CD82: variants seen among roughly 807,000 people sequenced by gnomAD.
CD82 encodes CD82 molecule, also known as CD82 antigen.
A neutral mutation model predicts 37.4 loss-of-function variants in CD82; 36 were observed. The ratio of observed to expected loss-of-function variants is 0.96; its 90% CI spans 0.74 to 1.27. The LOEUF (loss-of-function observed/expected upper bound fraction) is 1.27. Ranked by LOEUF, CD82 falls within the 50% of genes most tolerant of loss-of-function variation. The pLI is 0.00. For missense variants in CD82, 340 were observed against 347.0 expected (o/e 0.98, Z 0.16); for synonymous variants, 158 against 137.4 (o/e 1.15, Z -1.05).
chr11:44,569,774 G>T (rs186041341), intron 1 of CD82, among the ~76,000 whole-genome samples: 1 of 152,218 alleles, frequency 6.6e-6, no homozygotes, highest in Admixed American at 6.5e-5. Flanking sequence ...GGAGATGATG[G>T]TACAGCATGG....
chr11:44,612,150 G>A (rs1313545348), intron 6 of CD82, among the ~76,000 whole-genome samples: 1 of 152,204 alleles, frequency 6.6e-6, no homozygotes, highest in Admixed American at 6.5e-5. Flanking sequence ...TGTGACTCAG[G>A]CAAACCACTT....
At chr11:44,587,607 T>C (rs994618595) in intron 2 of CD82, 51 bp downstream of exon 2, 1 of 455,748 alleles carries the variant, frequency 2.2e-6, no homozygotes, top group African/African-American at 2.0e-5. Context: ...ACACTTGGGC[T>C]GTGAGGCGAG....
chr11:44,593,893 G>A (rs1225737233), intron 2 of CD82, among the ~76,000 whole-genome samples: 1 of 151,920 alleles, frequency 6.6e-6, no homozygotes, highest in Admixed American at 6.6e-5. Flanking sequence ...ACTATGAAGA[G>A]CATTTTATCA....
At chr11:44,601,250 C>T (rs990969966) in intron 4 of CD82, among the ~76,000 whole-genome samples, 41 of 152,120 alleles carry the variant, frequency 2.7e-4, no homozygotes, top group Non-Finnish European at 1.3e-4. Flanking sequence ...TAAAGCGGAA[C>T]CTAGCTAGGA....
In CD82 at chr11:44,610,319, T is replaced by C. The variant is rs112800220; in HGVS notation, c.336+4890T>C. ...GAGAGAGGAGGAGGATGTGAACTAA[T>C]ACAAGTGGGTAGAAGTCATTTGAGC... On this transcript the variant is annotated intron_variant, in intron 6 of 9. Coordinates refer to ENST00000227155, the MANE Select transcript of CD82 (RefSeq NM_002231.4). Among the ~76,000 whole-genome samples, 562 of 152,294 alleles carry C rather than the reference T, an allele frequency of 3.7e-3. 5 individuals are homozygous for C. The highest frequency in any genetic ancestry group is 0.013 in the African/African-American group (545 of 41,566).
intron 2 of CD82, among the ~76,000 whole-genome samples, chr11:44,591,454 G>T (rs771651735): frequency 1.3e-5 from 2 of 152,206 alleles, no homozygotes; most frequent in African/African-American, 4.8e-5. Flanking sequence ...TTGGTGACAA[G>T]GTTTCCCAGC....
intron 6 of CD82, among the ~76,000 whole-genome samples, chr11:44,609,615 G>T (rs1390567013): frequency 7.9e-5 from 12 of 152,184 alleles, no homozygotes; most frequent in Admixed American, 7.9e-4. Flanking sequence ...TTGTTGGTGC[G>T]CACATACCCT....
In CD82 at chr11:44,619,108, C is replaced by T; in HGVS notation, c.786C>T (p.Ser262=). ...GGCACGTCCATTCCGAAGACTACAG[C>T]AAGGTCCCCAAGTACTGAGGCAGCT... ...LCRHVHSEDY[S]KVPKY is the part of the protein sequence containing the mutation. The change falls in exon 10 of 10, where the codon AGC becomes AGT. Residue 262 remains serine (S), a synonymous_variant. Coordinates refer to ENST00000227155, the MANE Select transcript of CD82 (RefSeq NM_002231.4). 6.2e-7 allele frequency: 1 copy of T among 1,613,540 alleles called. No homozygotes were observed. The highest frequency in any genetic ancestry group is 8.5e-7 in the Non-Finnish European group (1 of 1,179,704).
chr11:44,569,795 C>T (rs1413895414), intron 1 of CD82, among the ~76,000 whole-genome samples: 1 of 152,158 alleles, frequency 6.6e-6, no homozygotes, highest in Non-Finnish European at 1.5e-5. Flanking sequence ...CGGTAAAGCA[C>T]TGGACTTTAG....
chr11:44,573,459 C>T (rs1383407335), intron 1 of CD82, among the ~76,000 whole-genome samples: 1 of 152,102 alleles, frequency 6.6e-6, no homozygotes, highest in Non-Finnish European at 1.5e-5. Context: ...GGTGTCTAGG[C>T]CTTGAGTCAC....
At chr11:44,613,911 C>T (rs1215717286) in intron 6 of CD82, among the ~76,000 whole-genome samples, 1 of 152,040 alleles carries the variant, frequency 6.6e-6, no homozygotes, top group Non-Finnish European at 1.5e-5. Context: ...AGGCAACTGA[C>T]CTCACACTCC....
chr11:44,568,952 C>A (rs1000218887), intron 1 of CD82, among the ~76,000 whole-genome samples: 4 of 152,254 alleles, frequency 2.6e-5, no homozygotes. Context: ...TGCTCCAAAC[C>A]GTTATACCCA....
intron 4 of CD82, among the ~76,000 whole-genome samples, chr11:44,601,002 G>C (rs938119319): frequency 6.6e-5 from 10 of 152,200 alleles, no homozygotes; most frequent in Non-Finnish European, 1.2e-4. Flanking sequence ...GGGGCCTAAG[G>C]CATTTTTACA....
At chr11:44,596,014 T>G (rs12576252) in intron 3 of CD82, among the ~76,000 whole-genome samples, 9,131 of 152,110 alleles carry the variant, frequency 0.06, 506 homozygotes, top group African/African-American at 0.15. Flanking sequence ...ACACAAGTGT[T>G]CATACACGCA....
chr11:44,605,473 A>C (rs763228752), intron 6 of CD82, 44 bp downstream of exon 6: 8 of 1,555,202 alleles, frequency 5.1e-6, no homozygotes, highest in African/African-American at 1.4e-5. Flanking sequence ...TGGACCAACC[A>C]TGGGGGTGAT....
At chr11:44,614,915 A>AG (rs1208662052) in intron 6 of CD82, among the ~76,000 whole-genome samples, 1 of 152,204 alleles carries the variant, frequency 6.6e-6, no homozygotes, top group African/African-American at 2.4e-5. Context: ...GGAAGAACAG[A>AG]GGACAGAAGG....
At chr11:44,604,606 C>T (rs1853360596) in intron 4 of CD82, 1 of 183,118 alleles carries the variant, frequency 5.5e-6, no homozygotes, top group Admixed American at 5.3e-5. Context: ...GGAGAACCAG[C>T]CAGCCTCTTG....
intron 4 of CD82, among the ~76,000 whole-genome samples, chr11:44,604,089 C>A (rs1853353579): frequency 6.6e-6 from 1 of 152,214 alleles, no homozygotes; most frequent in Non-Finnish European, 1.5e-5. Context: ...CCTCTCCCAG[C>A]CCAGCAGTTC....
intron 4 of CD82, among the ~76,000 whole-genome samples, chr11:44,600,973 C>T (rs1853299780): frequency 6.6e-6 from 1 of 152,230 alleles, no homozygotes; most frequent in Non-Finnish European, 1.5e-5. Context: ...CCCCTTCTTT[C>T]ACCAGAGGCA....
Sources: allele counts gnomAD v4.1 joint callset (sites outside exome capture counted in the v4.1 genomes callset), GRCh38; gene constraint gnomAD v4.1.1; transcripts MANE v1.5; gene names NCBI Gene and HGNC (gene_info 2026-07-23, HGNC 2026-07-21).